UBTD1: variants seen among roughly 807,000 people sequenced by gnomAD.
The protein encoded by UBTD1 is ubiquitin domain containing 1, also known as ubiquitin domain-containing protein 1.
In UBTD1, 19 loss-of-function variants were observed where a neutral mutation model predicts 21.7. The observed-to-expected ratio is 0.87, with a 90% confidence interval of 0.61 to 1.28. The LOEUF (loss-of-function observed/expected upper bound fraction) is 1.28, where lower values mean the gene tolerates loss of function less well. UBTD1 is among the 50% of genes most tolerant of loss of function. The probability of loss-of-function intolerance (pLI) is 0.00; values close to 1 mark genes in which losing one functional copy is unlikely to be tolerated. For missense variants in UBTD1, 282 were observed against 315.1 expected, an observed-to-expected ratio of 0.89 and a Z score of 0.80; for synonymous variants, 116 against 135.1, an observed-to-expected ratio of 0.86 and a Z score of 0.98.
intron 1 of UBTD1, among the ~76,000 whole-genome samples, chr10:97,529,788 A>G (rs1460781867): frequency 6.6e-6 from 1 of 151,658 alleles, no homozygotes; most frequent in African/African-American, 2.4e-5. Context: ...GGAGAGGGAG[A>G]GGGACTGGGA....
chr10:97,514,807 A>G (rs962649231), intron 1 of UBTD1, among the ~76,000 whole-genome samples: 3 of 152,210 alleles, frequency 2.0e-5, no homozygotes, highest in African/African-American at 7.2e-5. Context: ...ATGTAGCTTG[A>G]TATGTACAAC....
rs529833740 is a variant in UBTD1, at chr10:97,565,788, T to A, written c.71-2126T>A. 5.3e-5 allele frequency among the ~76,000 whole-genome samples: 8 copies of A among 152,290 alleles called. No homozygotes were observed. In the South Asian group the frequency reaches 1.7e-3, roughly 32 times the overall value. Reference sequence around the variant, plus strand: ...GTGCAGTGGCATGATCATGGCTCACTGCAGCCTCAACCTTTCTGGGCTCAG... The same window carrying A: ...GTGCAGTGGCATGATCATGGCTCACAGCAGCCTCAACCTTTCTGGGCTCAG... On this transcript the variant is annotated intron_variant, in intron 1 of 2. Coordinates refer to ENST00000370664, the MANE Select transcript of UBTD1 (RefSeq NM_024954.5).
At chr10:97,558,420 A>C (rs981097500) in intron 1 of UBTD1, among the ~76,000 whole-genome samples, 2 of 152,210 alleles carry the variant, frequency 1.3e-5, no homozygotes, top group African/African-American at 4.8e-5. Flanking sequence ...GAGTTAGCTT[A>C]TCTGCTTCTT....
chr10:97,526,554 C>A (rs1014822612), intron 1 of UBTD1, among the ~76,000 whole-genome samples: 1 of 152,134 alleles, frequency 6.6e-6, no homozygotes, highest in Non-Finnish European at 1.5e-5. Flanking sequence ...ATCTTCCTGC[C>A]TTCATTCAAG....
chr10:97,539,939 C>CCT (rs3066031), intron 1 of UBTD1, among the ~76,000 whole-genome samples: 145,421 of 152,204 alleles, frequency 0.96, 69,638 homozygotes, highest in Non-Finnish European at 0.99. Flanking sequence ...CTGTGCAGCC[C>CCT]GAGGCCCTTC....
At chr10:97,546,105 T>G (rs2040609554) in intron 1 of UBTD1, among the ~76,000 whole-genome samples, 1 of 152,100 alleles carries the variant, frequency 6.6e-6, no homozygotes, top group Admixed American at 6.5e-5. Context: ...TTCTAACCAT[T>G]AGCTTCATCC....
At chr10:97,551,362 C>A (rs536497399) in intron 1 of UBTD1, among the ~76,000 whole-genome samples, 1 of 147,654 alleles carries the variant, frequency 6.8e-6, no homozygotes, top group Non-Finnish European at 1.5e-5. Context: ...ATAGGGAGAC[C>A]TCTCTATTAA....
At chr10:97,518,876 C>T (rs572923014) in intron 1 of UBTD1, among the ~76,000 whole-genome samples, 41 of 152,342 alleles carry the variant, frequency 2.7e-4, no homozygotes, top group Middle Eastern at 6.8e-3. Flanking sequence ...TAGTACCAAA[C>T]CTTTTCCATG....
At chr10:97,511,601 A>G (rs976624095) in intron 1 of UBTD1, among the ~76,000 whole-genome samples, 2 of 152,120 alleles carry the variant, frequency 1.3e-5, no homozygotes, top group African/African-American at 4.8e-5. Flanking sequence ...CCTCCCACGC[A>G]GTGTCTGGGA....
At chr10:97,546,625 C>G (rs2040612194) in intron 1 of UBTD1, among the ~76,000 whole-genome samples, 1 of 146,724 alleles carries the variant, frequency 6.8e-6, no homozygotes, top group South Asian at 2.1e-4. Context: ...AAGACCAGGG[C>G]ACGCAGTCAG....
intron 1 of UBTD1, among the ~76,000 whole-genome samples, chr10:97,500,722 G>A (rs1423817070): frequency 6.6e-6 from 1 of 152,038 alleles, no homozygotes; most frequent in Non-Finnish European, 1.5e-5. Context: ...TAGCTTGGGG[G>A]CACGCTGGTG....
chr10:97,513,332 A>G (rs2040430107), intron 1 of UBTD1, among the ~76,000 whole-genome samples: 1 of 152,260 alleles, frequency 6.6e-6, no homozygotes, highest in Non-Finnish European at 1.5e-5. Flanking sequence ...ACAAGACAGC[A>G]TGTAGACAAG....
intron 1 of UBTD1, among the ~76,000 whole-genome samples, chr10:97,536,478 T>G (rs1415868640): frequency 6.6e-6 from 1 of 152,180 alleles, no homozygotes; most frequent in Admixed American, 6.5e-5. Flanking sequence ...AGCTAGTGTT[T>G]GATTTTAAAA....
chr10:97,543,802 T>C, intron 1 of UBTD1, among the ~76,000 whole-genome samples: 1 of 152,228 alleles, frequency 6.6e-6, no homozygotes, highest in East Asian at 1.9e-4. Context: ...TATGTAATTA[T>C]GAAAATTACG....
rs529110004 is a variant in UBTD1, at chr10:97,528,927, C to T, written c.70+29654C>T. On this transcript the variant is annotated intron_variant, in intron 1 of 2. Coordinates refer to ENST00000370664, the MANE Select transcript of UBTD1 (RefSeq NM_024954.5). ...CCCCCCACCTCCCTCCTGGATGGGG[C>T]GGCTGGCCTGGCGGGGGCTGACCCC... is the stretch of plus-strand genomic sequence containing the variant. 3.5e-3 allele frequency among the ~76,000 whole-genome samples: 525 copies of T among 148,120 alleles called. 4 individuals are homozygous for T. The highest frequency in any genetic ancestry group is 0.012 in the African/African-American group (491 of 39,528).
chr10:97,506,494 C>T (rs1167545291), intron 1 of UBTD1, among the ~76,000 whole-genome samples: 1 of 151,588 alleles, frequency 6.6e-6, no homozygotes, highest in Non-Finnish European at 1.5e-5. Flanking sequence ...TAAGTGGTTA[C>T]CTAGATATGA....
At chr10:97,499,452 G>A (rs1471098389) in intron 1 of UBTD1, among the ~76,000 whole-genome samples, 179 bp downstream of exon 1, 1 of 152,246 alleles carries the variant, frequency 6.6e-6, no homozygotes, top group East Asian at 1.9e-4. Context: ...GAGCTGAGTT[G>A]GGGCAACTGC....
At chr10:97,526,666 C>T (rs1262482323) in intron 1 of UBTD1, among the ~76,000 whole-genome samples, 2 of 152,076 alleles carry the variant, frequency 1.3e-5, no homozygotes, top group African/African-American at 4.8e-5. Context: ...GCCTGGCCAA[C>T]ATGGTGAAAC....
At chr10:97,528,420 C>T (rs1222023377) in intron 1 of UBTD1, among the ~76,000 whole-genome samples, 5 of 85,108 alleles carry the variant, frequency 5.9e-5, no homozygotes, top group African/African-American at 1.8e-4. Flanking sequence ...ACCTCCCTCC[C>T]GGACGGGGCG....
Sources: allele counts gnomAD v4.1 joint callset (sites outside exome capture counted in the v4.1 genomes callset), GRCh38; gene constraint gnomAD v4.1.1; transcripts MANE v1.5; gene names NCBI Gene and HGNC (gene_info 2026-07-23, HGNC 2026-07-21).